The following NEBL variants were observed in gnomAD, a reference collection of about 807,000 sequenced individuals.
The protein encoded by NEBL is nebulette, also known as LIM and SH3 protein 2.
A neutral mutation model predicts 140.2 loss-of-function variants in NEBL; 122 were observed. The observed-to-expected ratio is 0.87, with a 90% CI of 0.75 to 1.01. The LOEUF is 1.01. NEBL is among the 50% of genes least tolerant of loss of function. The probability of loss-of-function intolerance (pLI) is 0.00; values close to 1 mark genes in which losing one functional copy is unlikely to be tolerated. For synonymous variants in NEBL, 436 were observed against 398.9 expected (o/e 1.09, Z -1.11); for missense variants, 1,365 against 1,231.3 (o/e 1.11, Z -1.62).
Position 20,783,717 on chromosome 10 carries a change from G to A in NEBL, c.*2030C>T, listed in dbSNP as rs1439281322. 2 of 152,478 alleles carry A rather than the reference G, an allele frequency of 1.3e-5. No individual in the cohort carries two copies. The highest frequency in any genetic ancestry group is 3.9e-4 in the East Asian group (2 of 5,180). The allele number at this position is 152,478 out of a possible 1,614,324, so 9.4% of individuals were successfully genotyped here. A position where few individuals can be genotyped will look rare whatever the true frequency, so the allele number is the denominator to read the frequency against. Reference sequence around the variant, plus strand: ...AATATATACTTAGTAAAATAAAATTGAGCAGGTATTTTATCCTCAGTTTTA... The same window carrying A: ...AATATATACTTAGTAAAATAAAATTAAGCAGGTATTTTATCCTCAGTTTTA... On this transcript the variant is annotated 3_prime_UTR_variant, in exon 28 of 28. Transcript: ENST00000377122.
chr10:20,936,786 T>C (rs1261503680), intron 4 of NEBL, among the ~76,000 whole-genome samples: 2 of 152,214 alleles, frequency 1.3e-5, no homozygotes, highest in African/African-American at 4.8e-5. Flanking sequence ...ACCTTGCAAA[T>C]GACCTGGTAA....
At chr10:21,075,251 C>G (rs1836011611) in intron 2 of NEBL, among the ~76,000 whole-genome samples, 1 of 152,186 alleles carries the variant, frequency 6.6e-6, no homozygotes, top group Non-Finnish European at 1.5e-5. Context: ...AACGGCCCAG[C>G]AAGCCAACAT....
chr10:20,816,446 C>T (rs770364994), intron 21 of NEBL, among the ~76,000 whole-genome samples: 63 of 152,246 alleles, frequency 4.1e-4, no homozygotes, highest in Non-Finnish European at 6.9e-4. Context: ...ATGCTTCTCA[C>T]TGGTCCACTC....
chr10:20,905,246 C>A (rs1410217212), intron 4 of NEBL, among the ~76,000 whole-genome samples: 1 of 152,102 alleles, frequency 6.6e-6, no homozygotes, highest in African/African-American at 2.4e-5. Flanking sequence ...TATATAAGCC[C>A]ATAGCAAGAA....
intron 2 of NEBL, among the ~76,000 whole-genome samples, chr10:21,120,711 A>C (rs1381278401): frequency 2.8e-5 from 4 of 143,834 alleles, no homozygotes; most frequent in Non-Finnish European, 4.5e-5. Flanking sequence ...AAAACCCAGG[A>C]CCACCTATGC....
At chr10:21,025,123 A>T (rs984339881) in intron 2 of NEBL, among the ~76,000 whole-genome samples, 2 of 152,182 alleles carry the variant, frequency 1.3e-5, no homozygotes, top group African/African-American at 4.8e-5. Context: ...ACAGGGCATG[A>T]GAAATGGATG....
At chr10:21,275,368 A>G (rs1175454951) in intron 1 of NEBL, among the ~76,000 whole-genome samples, 2 of 152,130 alleles carry the variant, frequency 1.3e-5, no homozygotes, top group Non-Finnish European at 2.9e-5. Context: ...GCAACCTTCA[A>G]TCACTAGATT....
intron 16 of NEBL, among the ~76,000 whole-genome samples, chr10:20,829,809 T>C (rs1840232799): frequency 6.6e-6 from 1 of 152,184 alleles, no homozygotes; most frequent in Non-Finnish European, 1.5e-5. Context: ...CTTTCAGGTG[T>C]ATATATCATG....
chr10:21,078,447 A>G (rs1836205165), intron 2 of NEBL, among the ~76,000 whole-genome samples: 1 of 152,364 alleles, frequency 6.6e-6, no homozygotes, highest in South Asian at 2.1e-4. Context: ...TCTCCTAAAT[A>G]GAGTCGTGTA....
At chr10:20,911,752 T>A (rs553016518) in intron 4 of NEBL, among the ~76,000 whole-genome samples, 1 of 152,296 alleles carries the variant, frequency 6.6e-6, no homozygotes, top group Admixed American at 6.5e-5. Context: ...TGTTCCAAAA[T>A]CGATATAAAC....
At chr10:20,908,986 T>C (rs1848215494) in intron 4 of NEBL, among the ~76,000 whole-genome samples, 1 of 152,178 alleles carries the variant, frequency 6.6e-6, no homozygotes, top group Admixed American at 6.6e-5. Context: ...AAAATTTGTG[T>C]TTGTGGCACT....
chr10:21,029,168 G>A (rs1833671419), intron 2 of NEBL: 7 of 1,340,294 alleles, frequency 5.2e-6, no homozygotes, highest in African/African-American at 1.4e-5. Flanking sequence ...ATTTGACACA[G>A]TAATGATAAC....
chr10:20,855,144 C>T (rs1272778012), intron 9 of NEBL, among the ~76,000 whole-genome samples: 3 of 151,108 alleles, frequency 2.0e-5, no homozygotes, highest in Non-Finnish European at 4.4e-5. Flanking sequence ...GCAGGAGAAT[C>T]GCTTGAACCT....
At chr10:20,922,189 C>T (rs1589016235) in intron 4 of NEBL, among the ~76,000 whole-genome samples, 1 of 152,166 alleles carries the variant, frequency 6.6e-6, no homozygotes, top group Admixed American at 6.5e-5. Context: ...GGCAACTCTG[C>T]TCTGCATCAG....
chr10:21,003,187 G>A (rs879405685), intron 3 of NEBL, among the ~76,000 whole-genome samples: 5 of 152,042 alleles, frequency 3.3e-5, no homozygotes, highest in African/African-American at 4.8e-5. Context: ...CTCTTCTGCA[G>A]TGTTTCCCTA....
At chr10:21,051,295 C>T (rs1026600376) in intron 2 of NEBL, among the ~76,000 whole-genome samples, 2 of 152,094 alleles carry the variant, frequency 1.3e-5, no homozygotes, top group African/African-American at 2.4e-5. Flanking sequence ...ATTTAAAAAA[C>T]AAATGCATAA....
chr10:20,805,137 A>T (rs955368693), intron 26 of NEBL, among the ~76,000 whole-genome samples: 5 of 152,202 alleles, frequency 3.3e-5, no homozygotes, highest in Admixed American at 6.6e-5. Context: ...AGCGTCAGGG[A>T]TGACTCCAAA....
chr10:21,227,733 TTCTTC>T (rs1842185239), intron 3 of NEBL, among the ~76,000 whole-genome samples: 1 of 130,666 alleles, frequency 7.7e-6, no homozygotes, highest in African/African-American at 3.4e-5. Context: ...CTTCTTCTTC[TTCTTC>T]TTCTTCTTCT....
At chr10:21,221,506 C>A (rs1842066923) in intron 3 of NEBL, among the ~76,000 whole-genome samples, 1 of 151,454 alleles carries the variant, frequency 6.6e-6, no homozygotes, top group Admixed American at 6.6e-5. Context: ...TGATTTCTTT[C>A]TTTCTTTCTT....
Sources: gnomAD v4.1 joint callset for allele counts (sites outside exome capture counted in the v4.1 genomes callset) on GRCh38, gnomAD v4.1.1 for gene constraint, MANE v1.5 for transcripts, NCBI Gene and HGNC (gene_info 2026-07-23, HGNC 2026-07-21) for gene names.